Variants in MATN2 observed in about 807,000 individuals in gnomAD.
The protein encoded by MATN2 is matrilin 2, also known as matrilin-2.
In MATN2, 69 loss-of-function variants were observed where a neutral mutation model predicts 103.2. The observed-to-expected ratio is 0.67, with a 90% CI of 0.55 to 0.82. The LOEUF is 0.82. Among genes scored for constraint, MATN2 ranks in the 40% least tolerant of loss-of-function variants. The pLI is 0.00. For missense variants in MATN2, 1,023 were observed against 1,211.5 expected, an observed-to-expected ratio of 0.84 and a Z score of 2.31; for synonymous variants, 429 against 450.2, an observed-to-expected ratio of 0.95 and a Z score of 0.60.
At chr8:98,021,409 C>T in intron 13 of MATN2, 82 bp downstream of exon 13, 2 of 1,433,040 alleles carry the variant, frequency 1.4e-6, no homozygotes, top group Non-Finnish European at 1.9e-6. Flanking sequence ...CAACAAATCC[C>T]TCACCTCTGC....
intron 1 of MATN2, among the ~76,000 whole-genome samples, chr8:97,880,280 C>T (rs1381746123): frequency 2.0e-5 from 3 of 151,840 alleles, no homozygotes; most frequent in Non-Finnish European, 2.9e-5. Flanking sequence ...GATGGTGGAA[C>T]AGGAATTAAA....
At chr8:97,880,687 C>T (rs979661289) in intron 1 of MATN2, among the ~76,000 whole-genome samples, 2 of 152,142 alleles carry the variant, frequency 1.3e-5, no homozygotes, top group African/African-American at 2.4e-5. Flanking sequence ...GATGTTAATC[C>T]GACTGGGCTG....
At chr8:98,027,339 G>A (rs969181803) in intron 13 of MATN2, 77 bp from the exon 14 acceptor site, 2 of 1,330,488 alleles carry the variant, frequency 1.5e-6, no homozygotes, top group Non-Finnish European at 2.1e-6. Context: ...GCCTCCAATT[G>A]AAGCATCATT....
chr8:97,924,947 G>T (rs967367345), intron 2 of MATN2, among the ~76,000 whole-genome samples: 1 of 151,986 alleles, frequency 6.6e-6, no homozygotes. Flanking sequence ...CATCACGATG[G>T]GTTCAGATCC....
Position 98,027,456 on chromosome 8 carries a change from T to C in MATN2, c.1983T>C (p.Asp661=). The part of the protein sequence containing the change: ...EGPIDLVFVI[D]GSKSLGEENF... ...CAATTGACCTGGTCTTTGTGATCGA[T>C]GGATCCAAGAGTCTTGGAGAAGAGA... The change falls in exon 14 of 19, where the codon GAT becomes GAC. Residue 661 remains aspartate, a synonymous_variant. Transcript: ENST00000254898. The C allele has an allele frequency of 6.2e-7, 1 of 1,611,500 alleles. No homozygotes were observed. Among genetic ancestry groups the C allele is most frequent in the Non-Finnish European group, 8.5e-7 (1 of 1,177,856 alleles).
chr8:98,010,401 A>C (rs953242381), intron 10 of MATN2, among the ~76,000 whole-genome samples: 1 of 152,274 alleles, frequency 6.6e-6, no homozygotes, highest in South Asian at 2.1e-4. Flanking sequence ...GACTGGGTTT[A>C]AATCGTGTCG....
chr8:97,940,458 A>G (rs1417646535), intron 3 of MATN2, among the ~76,000 whole-genome samples: 1 of 152,244 alleles, frequency 6.6e-6, no homozygotes, highest in Non-Finnish European at 1.5e-5. Context: ...AATCAAACTC[A>G]GAACAGTACA....
At chr8:98,000,596 C>CAAAAAAAAAAAAAAAAAAA (rs67682756) in intron 7 of MATN2, among the ~76,000 whole-genome samples, 59 of 49,458 alleles carry the variant, frequency 1.2e-3, no homozygotes, top group East Asian at 2.1e-3. Context: ...GACTCCGTCT[C>CAAAAAAAAAAAAAAAAAAA]AAAAAAAAAA....
At chr8:98,014,447 A>T (rs921026537) in intron 10 of MATN2, among the ~76,000 whole-genome samples, 2 of 152,210 alleles carry the variant, frequency 1.3e-5, no homozygotes, top group Admixed American at 1.3e-4. Flanking sequence ...TGCTGAGAAA[A>T]GCAAGTCATG....
At chr8:97,883,119 C>T (rs183845628) in intron 1 of MATN2, among the ~76,000 whole-genome samples, 48 of 152,028 alleles carry the variant, frequency 3.2e-4, no homozygotes, top group African/African-American at 1.0e-3. Flanking sequence ...GCCTGGCCGA[C>T]ATAGTGAAAC....
In MATN2 at chr8:98,030,425, TCTAA is replaced by T. The variant is rs766115934; in HGVS notation, c.2357-30_2357-27del. 7.6e-6 allele frequency: 12 copies of T among 1,587,002 alleles called. No individual in the cohort carries two copies. In the Admixed American group the frequency reaches 1.1e-4, roughly 14 times the overall value. On this transcript the variant is annotated intron_variant, in intron 14 of 18. Coordinates refer to ENST00000254898, the MANE Select transcript of MATN2 (RefSeq NM_002380.5). Reference sequence around the variant, plus strand: ...AACTTCCAGCCCCTGGGAACACAACTCTAACTAACTTGCTCTTAATTTTTCCTGC... The same window carrying T: ...AACTTCCAGCCCCTGGGAACACAACTCTAACTTGCTCTTAATTTTTCCTGC...
At chr8:97,892,107 T>G (rs1818652254) in intron 2 of MATN2, among the ~76,000 whole-genome samples, 1 of 151,716 alleles carries the variant, frequency 6.6e-6, no homozygotes, top group African/African-American at 2.4e-5. Context: ...TTTGGTGGTG[T>G]GCACCTGTAA....
intron 6 of MATN2, among the ~76,000 whole-genome samples, chr8:97,979,387 C>T (rs1811948576): frequency 1.3e-5 from 2 of 152,158 alleles, no homozygotes; most frequent in East Asian, 1.9e-4. Flanking sequence ...TCTGACTCCA[C>T]GCAAGAAAAT....
intron 12 of MATN2, 194 bp from the exon 13 acceptor site, chr8:98,021,011 G>C (rs1813569269): frequency 2.1e-6 from 1 of 487,362 alleles, no homozygotes; most frequent in Non-Finnish European, 3.7e-6. Context: ...TCAGACTCAT[G>C]GGAGCTAGAG....
At chr8:97,942,169 C>T (rs1258343269) in intron 4 of MATN2, among the ~76,000 whole-genome samples, 1 of 152,214 alleles carries the variant, frequency 6.6e-6, no homozygotes, top group Non-Finnish European at 1.5e-5. Context: ...AACTGGTCTC[C>T]TTTACTTCCA....
At chr8:97,998,666 T>A (rs147148361) in intron 7 of MATN2, among the ~76,000 whole-genome samples, 1,651 of 151,000 alleles carry the variant, frequency 0.011, 25 homozygotes, top group Admixed American at 0.039. Flanking sequence ...TTTAAAATTT[T>A]AAAAATTTTT....
At chr8:98,031,981 A>G in intron 15 of MATN2, 1 of 268,722 alleles carries the variant, frequency 3.7e-6, no homozygotes, top group South Asian at 1.5e-4. Flanking sequence ...TTTCTGCCCT[A>G]CTTTCTAGAC....
chr8:98,017,853 G>T, intron 11 of MATN2, 141 bp from the exon 12 acceptor site: 2 of 843,258 alleles, frequency 2.4e-6, no homozygotes, highest in Non-Finnish European at 1.9e-6. Flanking sequence ...GTTCTCAATT[G>T]TAACTTCCTG....
At position 97,997,817 on chromosome 8, in the gene MATN2, G is replaced by GTT. The variant is rs34347663; in HGVS notation, c.1204+3233_1204+3234dup. Among the ~76,000 whole-genome samples, 449 of 133,618 alleles carry GTT rather than the reference G, an allele frequency of 3.4e-3. 1 individual carries two copies. The highest frequency in any genetic ancestry group is 7.8e-3 in the Middle Eastern group (2 of 256). 87.7% of individuals were successfully genotyped at this position (133,618 alleles called of 152,430 possible). A position where few individuals can be genotyped will look rare whatever the true frequency, so the allele number is the denominator to read the frequency against. ...TGCTAAAAAGAACCATTTGGAGAAG[G>GTT]TTTTTTTTTTTTTTTTTTTCCAGAC... On this transcript the variant is annotated intron_variant, in intron 7 of 18. Transcript: ENST00000254898.
Sources: allele counts gnomAD v4.1 joint callset (sites outside exome capture counted in the v4.1 genomes callset), GRCh38; gene constraint gnomAD v4.1.1; transcripts MANE v1.5; gene names NCBI Gene and HGNC (gene_info 2026-07-23, HGNC 2026-07-21).